AFF2: variants seen among roughly 807,000 people sequenced by gnomAD.
The protein encoded by AFF2 is ALF transcription elongation factor 2.
Under a neutral mutation model 76.9 loss-of-function variants are expected in AFF2, and 14 were observed. The ratio of observed to expected loss-of-function variants is 0.18; its 90% CI spans 0.12 to 0.28. The LOEUF is 0.28. Among genes scored for constraint, AFF2 ranks in the 10% least tolerant of loss-of-function variants. The pLI, the probability that AFF2 is intolerant of heterozygous loss-of-function variation, is 1.00. For missense variants in AFF2, 868 were observed against 1,001.1 expected (o/e 0.87, Z 1.79); for synonymous variants, 398 against 366.7 (o/e 1.09, Z -0.98).
intron 2 of AFF2, among the ~76,000 whole-genome samples, chrX:148,655,456 A>G: frequency 9.1e-6 from 1 of 110,343 alleles, no homozygotes; most frequent in Non-Finnish European, 1.9e-5. Flanking sequence ...TTGTATTCTT[A>G]GTAGAGATGG....
intron 1 of AFF2, among the ~76,000 whole-genome samples, chrX:148,634,462 A>T (rs5980553): frequency 0.23 from 25,486 of 110,862 alleles, 2,304 homozygotes; most frequent in African/African-American, 0.34. Context: ...TGAGGTAATT[A>T]AAGCGTCTTG....
chrX:148,815,897 A>G (rs1408950205), intron 4 of AFF2, among the ~76,000 whole-genome samples: 1 of 111,737 alleles, frequency 8.9e-6, no homozygotes, highest in Non-Finnish European at 1.9e-5. Context: ...ATGCTATAAA[A>G]ATAAGTCTGT....
chrX:148,881,641 T>C (rs1379705197), intron 7 of AFF2, among the ~76,000 whole-genome samples: 1 of 111,256 alleles, frequency 9.0e-6, no homozygotes, highest in East Asian at 2.8e-4. Context: ...TCTTTGAACC[T>C]CTCCTTATTT....
chrX:148,514,500 A>G (rs2052515227), intron 1 of AFF2, among the ~76,000 whole-genome samples: 1 of 112,537 alleles, frequency 8.9e-6, no homozygotes, highest in Non-Finnish European at 1.9e-5. Flanking sequence ...CTTTATTCTC[A>G]AAGGACTTCT....
At chrX:148,592,040 G>T (rs1557246733) in intron 1 of AFF2, among the ~76,000 whole-genome samples, 1 of 111,670 alleles carries the variant, frequency 9.0e-6, no homozygotes, top group African/African-American at 3.3e-5. Flanking sequence ...ACTGATGTTT[G>T]CCTCGTTATG....
intron 1 of AFF2, among the ~76,000 whole-genome samples, chrX:148,527,183 G>A (rs1302558390): frequency 8.9e-6 from 1 of 112,208 alleles, no homozygotes; most frequent in Non-Finnish European, 1.9e-5. Context: ...CTGATGAAAT[G>A]CACTGAGGGG....
intron 9 of AFF2, 134 bp from the exon 10 acceptor site, chrX:148,953,446 C>A: frequency 1.4e-6 from 1 of 695,646 alleles, no homozygotes; most frequent in Non-Finnish European, 2.1e-6. Context: ...CTCACGTTTC[C>A]TATCTATAAA....
At chrX:148,712,848 A>G (rs1366958193) in intron 3 of AFF2, among the ~76,000 whole-genome samples, 1 of 112,020 alleles carries the variant, frequency 8.9e-6, no homozygotes, top group African/African-American at 3.2e-5. Context: ...TCAAACTTGC[A>G]TCCTTGGAGC....
chrX:148,704,668 A>G (rs369451219), intron 3 of AFF2, among the ~76,000 whole-genome samples: 7 of 106,835 alleles, frequency 6.6e-5, no homozygotes, highest in East Asian at 5.9e-4. Context: ...CTGGGACTAC[A>G]GGTGTGAGCC....
chrX:148,778,369 A>T (rs1292741429), intron 3 of AFF2, among the ~76,000 whole-genome samples: 1 of 111,458 alleles, frequency 9.0e-6, no homozygotes, highest in Non-Finnish European at 1.9e-5. Flanking sequence ...GGTGTCATAG[A>T]ATGAGTTAGG....
Position 148,501,043 on chromosome X carries a change from G to A in AFF2, c.-55G>A, listed in dbSNP as rs781859066. The A allele has an allele frequency of 8.4e-7, 1 of 1,190,525 alleles. No individual in the cohort carries two copies. Among genetic ancestry groups the A allele is most frequent in the East Asian group, 3.0e-5 (1 of 33,214 alleles). On this transcript the variant is annotated 5_prime_UTR_variant, in exon 1 of 21. Transcript: ENST00000370460. Reference sequence around the variant, plus strand: ...GCCAGCGAGCTGTGCCGAGAGCCGCGCCGACCCGCTGCGATCAGGGACAGG... The same window carrying A: ...GCCAGCGAGCTGTGCCGAGAGCCGCACCGACCCGCTGCGATCAGGGACAGG...
At chrX:148,920,565 A>G (rs782131293) in intron 9 of AFF2, among the ~76,000 whole-genome samples, 3 of 110,979 alleles carry the variant, frequency 2.7e-5, no homozygotes, top group South Asian at 3.9e-4. Context: ...AGGGATGTCA[A>G]TAGGTATTGT....
rs143399626 is a variant in AFF2, at chrX:148,884,904, C to T, written c.1263-985C>T. 5.7e-3 allele frequency among the ~76,000 whole-genome samples: 633 copies of T among 111,951 alleles called. 2 individuals are homozygous for T. The highest frequency in any genetic ancestry group is 8.1e-3 in the Non-Finnish European group (433 of 53,180). On this transcript the variant is annotated intron_variant, in intron 7 of 20. Transcript: ENST00000370460. ...CCAGAGTTAAGAAAGAGATTTCTAG[C>T]CCTGGAGCTGAGCCTGATGCAGAGC...
At chrX:148,975,350 A>C (rs2124406168) in intron 16 of AFF2, among the ~76,000 whole-genome samples, 1 of 112,566 alleles carries the variant, frequency 8.9e-6, no homozygotes, top group Non-Finnish European at 1.9e-5. Flanking sequence ...AAATAATAAT[A>C]GAACAGTAAT....
intron 3 of AFF2, among the ~76,000 whole-genome samples, chrX:148,727,943 T>TGTAA: frequency 8.9e-6 from 1 of 112,303 alleles, no homozygotes; most frequent in Non-Finnish European, 1.9e-5. Context: ...TTTTGTATGT[T>TGTAA]TTCTGTAATT....
At chrX:148,845,933 C>T in intron 7 of AFF2, among the ~76,000 whole-genome samples, 1 of 112,086 alleles carries the variant, frequency 8.9e-6, no homozygotes, top group Admixed American at 9.5e-5. Context: ...TACTTTTCCT[C>T]ATCTTGGCCT....
chrX:148,982,404 C>G (rs782177034), intron 19 of AFF2, among the ~76,000 whole-genome samples: 100 of 112,032 alleles, frequency 8.9e-4, no homozygotes, highest in African/African-American at 3.2e-3. Context: ...ACTCCAGAAG[C>G]ACACAGTCCA....
At chrX:148,682,812 A>G (rs6641454) in intron 3 of AFF2, among the ~76,000 whole-genome samples, 27,182 of 111,402 alleles carry the variant, frequency 0.24, 2,634 homozygotes, top group Middle Eastern at 0.39. Context: ...AACTTGTATT[A>G]TTTGGATGTG....
intron 1 of AFF2, among the ~76,000 whole-genome samples, chrX:148,614,356 A>G (rs2053763067): frequency 8.9e-6 from 1 of 112,012 alleles, no homozygotes; most frequent in Admixed American, 9.4e-5. Flanking sequence ...TGCTAATGCC[A>G]TTTATGAATC....
Sources: gnomAD v4.1 joint callset for allele counts (sites outside exome capture counted in the v4.1 genomes callset) on GRCh38, gnomAD v4.1.1 for gene constraint, MANE v1.5 for transcripts, NCBI Gene and HGNC (gene_info 2026-07-23, HGNC 2026-07-21) for gene names.